The following CRACDL variants were observed in gnomAD, a reference collection of about 807,000 sequenced individuals.
CRACDL encodes CRACD-like protein.
Under a neutral mutation model 70.6 loss-of-function variants are expected in CRACDL, and 26 were observed. That is an observed-to-expected ratio of 0.37 (90% CI 0.27 to 0.51). The LOEUF (loss-of-function observed/expected upper bound fraction) is 0.51. Among genes scored for constraint, CRACDL ranks in the 20% least tolerant of loss-of-function variants. The pLI, the probability that CRACDL is intolerant of heterozygous loss-of-function variation, is 0.94. For missense variants in CRACDL, 1,283 were observed against 1,376.9 expected (o/e 0.93, Z 1.08); for synonymous variants, 618 against 615.2 (o/e 1.00, Z -0.07).
intron 1 of CRACDL, among the ~76,000 whole-genome samples, chr2:98,923,981 A>C (rs1708859622): frequency 6.6e-6 from 1 of 152,222 alleles, no homozygotes; most frequent in Non-Finnish European, 1.5e-5. Context: ...CTTAAGCCAC[A>C]AGTTTGTACA....
Position 98,822,683 on chromosome 2 carries a change from G to C in CRACDL, c.1590C>G (p.Leu530=). The change falls in exon 7 of 10, where the codon CTC becomes CTG. Residue 530 remains leucine, a synonymous_variant. Coordinates refer to ENST00000397899, the MANE Select transcript of CRACDL (RefSeq NM_207362.3). This position sits in a 1 kb window ranked among gnomAD's most constrained non-coding sequence, Gnocchi z 4.9. ...GCTCCGGGGCGGCGGCCTCTGCGTC[G>C]AGGGAACCGGGGCCGGGCTCCACCG... ...SPPVEPGPGS[L]DAEAAAPERP... 2 of 1,272,054 alleles carry C rather than the reference G, an allele frequency of 1.6e-6. No homozygotes were observed. Among genetic ancestry groups the C allele is most frequent in the Non-Finnish European group, 2.0e-6 (2 of 1,012,404 alleles). 78.8% of individuals were successfully genotyped at this position (1,272,054 alleles called of 1,614,324 possible). A position where few individuals can be genotyped will look rare whatever the true frequency, so the allele number is the denominator to read the frequency against.
At chr2:98,835,662 G>A (rs1194319663) in intron 3 of CRACDL, among the ~76,000 whole-genome samples, 2 of 152,148 alleles carry the variant, frequency 1.3e-5, no homozygotes, top group African/African-American at 4.8e-5. Flanking sequence ...TTGCTAGGGG[G>A]CCACGTCATT....
intron 1 of CRACDL, among the ~76,000 whole-genome samples, chr2:98,892,704 T>C (rs1708010458): frequency 6.6e-6 from 1 of 151,712 alleles, no homozygotes; most frequent in Non-Finnish European, 1.5e-5. Context: ...AAAAAAGAAA[T>C]AAAATAAAAT....
At chr2:98,862,029 G>A (rs899889731) in intron 1 of CRACDL, among the ~76,000 whole-genome samples, 2 of 152,126 alleles carry the variant, frequency 1.3e-5, no homozygotes, top group African/African-American at 4.8e-5. Context: ...CCAGCCCCAG[G>A]TGACTCCCTG....
At chr2:98,908,250 C>T (rs1189062886) in intron 1 of CRACDL, 2 of 152,376 alleles carry the variant, frequency 1.3e-5, no homozygotes, top group Admixed American at 6.5e-5. Flanking sequence ...AATGTGTGGC[C>T]TAGAGAGAGC....
chr2:98,882,779 C>T (rs912543658), intron 1 of CRACDL, among the ~76,000 whole-genome samples: 1 of 152,178 alleles, frequency 6.6e-6, no homozygotes, highest in Non-Finnish European at 1.5e-5. Context: ...TTGTTTGGTT[C>T]CATTTTTAGA....
At chr2:98,825,444 C>T (rs1480539275) in intron 6 of CRACDL, among the ~76,000 whole-genome samples, 1 of 152,192 alleles carries the variant, frequency 6.6e-6, no homozygotes, top group Non-Finnish European at 1.5e-5. Context: ...TAAGCCCTGC[C>T]CAGATGGGAG....
chr2:98,850,011 C>A (rs1276715199), intron 1 of CRACDL, among the ~76,000 whole-genome samples: 1 of 152,192 alleles, frequency 6.6e-6, no homozygotes, highest in Non-Finnish European at 1.5e-5. Context: ...GTTTCTGCAG[C>A]CCACTCCTCA....
chr2:98,831,931 C>T (rs1019622290), intron 5 of CRACDL, among the ~76,000 whole-genome samples: 38 of 152,214 alleles, frequency 2.5e-4, no homozygotes, highest in African/African-American at 8.7e-4. Flanking sequence ...ACTCAGGCAC[C>T]GGAGACCATC....
chr2:98,890,483 A>G (rs923784817), intron 1 of CRACDL, among the ~76,000 whole-genome samples: 1 of 152,198 alleles, frequency 6.6e-6, no homozygotes, highest in Non-Finnish European at 1.5e-5. Flanking sequence ...AAACAACCGA[A>G]GAGATTGAAT....
At chr2:98,839,994 A>C (rs559225214) in intron 2 of CRACDL, among the ~76,000 whole-genome samples, 1 of 152,112 alleles carries the variant, frequency 6.6e-6, no homozygotes, top group Admixed American at 6.5e-5. Flanking sequence ...TTGAATGTTT[A>C]TTTCATATTG....
intron 1 of CRACDL, among the ~76,000 whole-genome samples, chr2:98,877,819 A>T (rs1485565787): frequency 6.6e-6 from 1 of 152,168 alleles, no homozygotes; most frequent in East Asian, 1.9e-4. Flanking sequence ...TAAAGTCTAC[A>T]GTAGTGTACA....
At chr2:98,826,919 AG>A (rs1295891062) in intron 6 of CRACDL, 55 bp downstream of exon 6, 9 of 1,175,306 alleles carry the variant, frequency 7.7e-6, no homozygotes, top group African/African-American at 5.8e-5. Context: ...GGGGGGGCAT[AG>A]GGGGGTGCCA....
chr2:98,904,792 A>G (rs1301536997), intron 1 of CRACDL, among the ~76,000 whole-genome samples: 3 of 152,168 alleles, frequency 2.0e-5, no homozygotes, highest in Admixed American at 2.0e-4. Flanking sequence ...CTGCTGATAT[A>G]GTTTGGATAT....
intron 1 of CRACDL, chr2:98,908,535 A>C (rs903954181): frequency 6.6e-6 from 1 of 152,326 alleles, no homozygotes; most frequent in East Asian, 1.9e-4. Context: ...ACAGCTTGGA[A>C]GTGAACAGAA....
intron 1 of CRACDL, among the ~76,000 whole-genome samples, chr2:98,933,300 C>T (rs1304838467): frequency 3.3e-5 from 5 of 152,214 alleles, no homozygotes; most frequent in Non-Finnish European, 7.3e-5. Flanking sequence ...GATGGGACTA[C>T]AACCCTCTCC....
intron 5 of CRACDL, among the ~76,000 whole-genome samples, chr2:98,829,044 AC>A (rs1186320889): frequency 6.6e-6 from 1 of 152,252 alleles, no homozygotes; most frequent in Non-Finnish European, 1.5e-5. Flanking sequence ...AGAAAATCTC[AC>A]TGCCTAGGAC....
At chr2:98,917,139 C>T (rs1708686393) in intron 1 of CRACDL, among the ~76,000 whole-genome samples, 1 of 152,152 alleles carries the variant, frequency 6.6e-6, no homozygotes, top group African/African-American at 2.4e-5. Context: ...TCATGAAGTT[C>T]CCTCATTCCC....
intron 1 of CRACDL, among the ~76,000 whole-genome samples, chr2:98,868,014 T>C (rs1038233536): frequency 2.0e-5 from 3 of 152,232 alleles, no homozygotes; most frequent in Non-Finnish European, 4.4e-5. Flanking sequence ...TACCAAGACA[T>C]AACATCACCA....
Sources: gnomAD v4.1 joint callset for allele counts (sites outside exome capture counted in the v4.1 genomes callset) on GRCh38, gnomAD v4.1.1 for gene constraint, Gnocchi (gnomAD v3.1) non-coding constraint, MANE v1.5 for transcripts, NCBI Gene and HGNC (gene_info 2026-07-23, HGNC 2026-07-21) for gene names.